The following KIRREL1 variants were observed in gnomAD, a reference collection of about 807,000 sequenced individuals.
The protein encoded by KIRREL1 is kin of IRRE-like protein 1.
KIRREL1 carries 25 observed loss-of-function variants against 83.3 expected under a neutral mutation model. The ratio of observed to expected loss-of-function variants is 0.30; its 90% confidence interval spans 0.22 to 0.42. The LOEUF (loss-of-function observed/expected upper bound fraction) is 0.42. Among genes scored for constraint, KIRREL1 ranks in the 10% least tolerant of loss-of-function variants. KIRREL1 has a pLI of 1.00. For synonymous variants in KIRREL1, 388 were observed against 410.4 expected, an observed-to-expected ratio of 0.95 and a Z score of 0.66; for missense variants, 812 against 1,032.3, an observed-to-expected ratio of 0.79 and a Z score of 2.92.
chr1:158,004,160 T>C (rs1659449892), intron 1 of KIRREL1, among the ~76,000 whole-genome samples: 1 of 152,224 alleles, frequency 6.6e-6, no homozygotes, highest in Non-Finnish European at 1.5e-5. Flanking sequence ...TGATTACGTC[T>C]ATCTTCTAGG....
intron 11 of KIRREL1, 70 bp downstream of exon 11, chr1:158,091,626 G>T (rs906590424): frequency 3.4e-6 from 5 of 1,458,248 alleles, no homozygotes; most frequent in Non-Finnish European, 4.8e-6. Context: ...CTTTTCTCCA[G>T]GGGCAGGGCT....
At chr1:158,056,543 C>T (rs1451964213) in intron 1 of KIRREL1, among the ~76,000 whole-genome samples, 2 of 152,154 alleles carry the variant, frequency 1.3e-5, no homozygotes, top group Non-Finnish European at 2.9e-5. Context: ...AAAAGAGGAG[C>T]ACCCAGCACC....
At chr1:158,044,093 G>GA (rs1265453264) in intron 1 of KIRREL1, among the ~76,000 whole-genome samples, 2 of 152,162 alleles carry the variant, frequency 1.3e-5, no homozygotes, top group African/African-American at 4.8e-5. Flanking sequence ...CGCATACCAG[G>GA]GACTGTGCTG....
chr1:158,065,841 C>T (rs1411455663), intron 1 of KIRREL1, among the ~76,000 whole-genome samples: 1 of 151,900 alleles, frequency 6.6e-6, no homozygotes, highest in Non-Finnish European at 1.5e-5. Context: ...CTGCCGCCTG[C>T]CCTCTTTCCC....
chr1:158,088,350 C>A lies in KIRREL1; in HGVS notation c.940C>A (p.Pro314Thr). 6.2e-7 allele frequency: 1 copy of A among 1,613,714 alleles called. No individual in the cohort carries two copies. The highest frequency in any genetic ancestry group is 1.1e-5 in the South Asian group (1 of 91,016). The change falls in exon 8 of 15, where the codon CCC becomes ACC. Residue 314 changes from proline to threonine, a missense_variant. Coordinates refer to ENST00000359209, the MANE Select transcript of KIRREL1 (RefSeq NM_018240.7). ...AGTTGCTCCCCGGATTGTAGTTGAC[C>A]CCAAACCCACAACCACAGACATTGG... ...VHFAPRIVVD[P>T]KPTTTDIGSD...
At chr1:158,066,733 C>A (rs966375861) in intron 1 of KIRREL1, among the ~76,000 whole-genome samples, 1 of 152,194 alleles carries the variant, frequency 6.6e-6, no homozygotes, top group Non-Finnish European at 1.5e-5. Flanking sequence ...CCATCTCTTG[C>A]AGCCTTCTCT....
chr1:158,034,920 C>G (rs1344187752), intron 1 of KIRREL1, among the ~76,000 whole-genome samples: 1 of 152,034 alleles, frequency 6.6e-6, no homozygotes, highest in African/African-American at 2.4e-5. Flanking sequence ...GAAATTGAGG[C>G]AAGCTAGAAA....
At chr1:158,032,554 G>C (rs1465470215) in intron 1 of KIRREL1, among the ~76,000 whole-genome samples, 1 of 152,148 alleles carries the variant, frequency 6.6e-6, no homozygotes, top group African/African-American at 2.4e-5. Flanking sequence ...ATTTTTCTTG[G>C]GAACAGGATG....
At chr1:158,085,953 A>C (rs1662000801) in intron 4 of KIRREL1, among the ~76,000 whole-genome samples, 1 of 152,224 alleles carries the variant, frequency 6.6e-6, no homozygotes. Flanking sequence ...AGCAGGACAC[A>C]CTGACTATAA....
In KIRREL1 at chr1:158,094,570, A is replaced by G. The variant is rs1259083047; in HGVS notation, c.1798-74A>G. 1 of 1,356,446 alleles carries G rather than the reference A, an allele frequency of 7.4e-7. No homozygotes were observed. The highest frequency in any genetic ancestry group is 2.3e-5 in the East Asian group (1 of 43,488). 84.0% of individuals were successfully genotyped at this position (1,356,446 alleles called of 1,614,324 possible). On this transcript the variant is annotated intron_variant, in intron 14 of 14. Transcript: ENST00000359209. This position sits in a 1 kb window ranked among gnomAD's most constrained non-coding sequence, Gnocchi z 4.6. ...TAGGGAGAGCTGGAGGAAGAGGCCC[A>G]GAAAGCCATGGTGAGACTTGATCCC... is the stretch of plus-strand genomic sequence containing the variant.
chr1:158,065,481 T>G (rs1159492550), intron 1 of KIRREL1, among the ~76,000 whole-genome samples: 4 of 152,260 alleles, frequency 2.6e-5, no homozygotes, highest in South Asian at 2.1e-4. Flanking sequence ...AAAAATTTTG[T>G]GCCTGCCCAG....
At chr1:158,091,618 T>C in intron 11 of KIRREL1, 62 bp downstream of exon 11, 1 of 1,510,196 alleles carries the variant, frequency 6.6e-7, no homozygotes, top group Non-Finnish European at 9.2e-7. Flanking sequence ...TGCTCCTTCT[T>C]TTCTCCAGGG....
chr1:158,022,760 G>GTT lies in KIRREL1; in HGVS notation c.52+29033_52+29034dup, dbSNP rs201510784. On this transcript the variant is annotated intron_variant, in intron 1 of 14. Transcript: ENST00000359209. ...GAAGGGCGGGAGAGAGGGTCCAAGTGTTCAGGCAAGTACCACTCTGCCAGC... is the reference window on the plus strand; with the variant it reads ...GAAGGGCGGGAGAGAGGGTCCAAGTGTTTTCAGGCAAGTACCACTCTGCCAGC... 3.6e-3 allele frequency among the ~76,000 whole-genome samples: 546 copies of GTT among 152,306 alleles called. 4 individuals are homozygous for GTT. Among genetic ancestry groups the GTT allele is most frequent in the African/African-American group, 0.013 (523 of 41,548 alleles).
intron 1 of KIRREL1, among the ~76,000 whole-genome samples, chr1:158,073,241 G>T (rs1035931701): frequency 3.9e-5 from 6 of 152,090 alleles, no homozygotes; most frequent in Non-Finnish European, 7.4e-5. Context: ...TCTCTGCAAG[G>T]TTATTACTTC....
At position 158,080,826 on chromosome 1, in the gene KIRREL1, G is replaced by A. The variant is rs1327570557; in HGVS notation, c.352+2686G>A. 3.9e-5 allele frequency among the ~76,000 whole-genome samples: 6 copies of A among 152,286 alleles called. No homozygotes were observed. In the East Asian group the frequency reaches 1.2e-3, roughly 29 times the overall value. ...AAACACCCTGCCACCTGCAGCACAC[G>A]GAGGCAATAAGAAGGCATGACACTT... On this transcript the variant is annotated intron_variant, in intron 3 of 14. Coordinates refer to ENST00000359209, the MANE Select transcript of KIRREL1 (RefSeq NM_018240.7).
At position 158,096,799 on chromosome 1, in the gene KIRREL1, C is replaced by T. The variant is rs200772385; in HGVS notation, c.*1679C>T. 2.4e-4 allele frequency: 108 copies of T among 456,702 alleles called. No individual in the cohort carries two copies. Among genetic ancestry groups the T allele is most frequent in the Non-Finnish European group, 4.4e-4 (99 of 226,960 alleles). The allele number at this position is 456,702 out of a possible 1,614,324, so 28.3% of individuals were successfully genotyped here. On this transcript the variant is annotated 3_prime_UTR_variant, in exon 15 of 15. Coordinates refer to ENST00000359209, the MANE Select transcript of KIRREL1 (RefSeq NM_018240.7). ...GCAGTGTCTGGAGTTGGCTGTTTCC[C>T]GCCTCCCCAGCTGCATGTCCAGCCC... is the stretch of plus-strand genomic sequence containing the variant.
intron 1 of KIRREL1, among the ~76,000 whole-genome samples, chr1:158,029,616 C>G (rs540182646): frequency 1.3e-5 from 2 of 152,136 alleles, no homozygotes; most frequent in South Asian, 4.1e-4. Context: ...AACACTGAGC[C>G]TTTATGAGAT....
At chr1:158,081,831 A>G (rs1000253098) in intron 3 of KIRREL1, among the ~76,000 whole-genome samples, 5 of 152,158 alleles carry the variant, frequency 3.3e-5, no homozygotes, top group Non-Finnish European at 5.9e-5. Context: ...TGCATGAACA[A>G]AGGGGCAGGA....
chr1:158,053,300 AAATG>A (rs1347274067), intron 1 of KIRREL1, among the ~76,000 whole-genome samples: 1 of 152,246 alleles, frequency 6.6e-6, no homozygotes, highest in Non-Finnish European at 1.5e-5. Context: ...TTGAGTGGGT[AAATG>A]AATGAATGAC....
Sources: gnomAD v4.1 joint callset for allele counts (sites outside exome capture counted in the v4.1 genomes callset) on GRCh38, gnomAD v4.1.1 for gene constraint, Gnocchi (gnomAD v3.1) non-coding constraint, MANE v1.5 for transcripts, NCBI Gene and HGNC (gene_info 2026-07-23, HGNC 2026-07-21) for gene names.